The following USH2A variants were observed in gnomAD, a reference collection of about 807,000 sequenced individuals.
USH2A encodes usherin, also known as Usher syndrome 2A (autosomal recessive, mild).
A neutral mutation model predicts 538.9 loss-of-function variants in USH2A; 443 were observed. The observed-to-expected ratio is 0.82, with a 90% CI of 0.76 to 0.89. The LOEUF is 0.89. Ranked by LOEUF, USH2A falls within the 40% of genes least tolerant of loss-of-function variation. The pLI, the probability that USH2A is intolerant of heterozygous loss-of-function variation, is 0.00. For synonymous variants in USH2A, 2,413 were observed against 2,273.5 expected, an observed-to-expected ratio of 1.06 and a Z score of -1.75; for missense variants, 6,633 against 6,324.8, an observed-to-expected ratio of 1.05 and a Z score of -1.65.
intron 64 of USH2A, among the ~76,000 whole-genome samples, chr1:215,659,461 G>T (rs1657375106): frequency 6.6e-6 from 1 of 152,160 alleles, no homozygotes. Flanking sequence ...TGGAATGGGG[G>T]AAGTAGGGTT....
At chr1:215,942,649 C>A (rs1666662580) in intron 37 of USH2A, among the ~76,000 whole-genome samples, 3 of 151,890 alleles carry the variant, frequency 2.0e-5, no homozygotes, top group Admixed American at 2.0e-4. Context: ...TCTCCAGGTA[C>A]AAATGTATAA....
chr1:216,239,205 G>C (rs1049855660), intron 13 of USH2A, among the ~76,000 whole-genome samples: 1 of 151,866 alleles, frequency 6.6e-6, no homozygotes, highest in Non-Finnish European at 1.5e-5. Context: ...TGCTCTTTTC[G>C]TGGGCTATGA....
At chr1:216,356,863 A>AT (rs1002346858) in intron 4 of USH2A, among the ~76,000 whole-genome samples, 1 of 152,100 alleles carries the variant, frequency 6.6e-6, no homozygotes, top group African/African-American at 2.4e-5. Context: ...TAGTTTTCGC[A>AT]TTTTTACTTT....
At chr1:216,341,146 G>C (rs1465253992) in intron 4 of USH2A, among the ~76,000 whole-genome samples, 2 of 152,098 alleles carry the variant, frequency 1.3e-5, no homozygotes, top group Non-Finnish European at 2.9e-5. Flanking sequence ...CTTCAGCAAA[G>C]TCTCAGGATA....
intron 9 of USH2A, among the ~76,000 whole-genome samples, chr1:216,304,527 C>G (rs1361176841): frequency 6.6e-6 from 1 of 151,822 alleles, no homozygotes; most frequent in African/African-American, 2.4e-5. Flanking sequence ...TCTCAGCATA[C>G]TTTTTTTAAT....
At position 215,782,858 on chromosome 1, in the gene USH2A, C is replaced by T. The variant is rs1553261464; in HGVS notation, c.10465G>A (p.Ala3489Thr). 1.9e-6 allele frequency: 3 copies of T among 1,613,934 alleles called. No homozygotes were observed. Among genetic ancestry groups the T allele is most frequent in the Non-Finnish European group, 2.5e-6 (3 of 1,179,910 alleles). Residue 3489 changes from alanine to threonine, a missense_variant, in exon 53 of 72, where the codon GCT (alanine) becomes ACT (threonine). Transcript: ENST00000307340. ...WNSYGRGLSK[A>T]VRARTKEDVP... ...TCTTCTTTTGTTCTGGCTCTCACAG[C>T]TTTGCTGAGTCCTCGCCCATAGCTG...
At chr1:215,735,565 T>C (rs1398793343) in intron 60 of USH2A, among the ~76,000 whole-genome samples, 1 of 152,164 alleles carries the variant, frequency 6.6e-6, no homozygotes, top group Non-Finnish European at 1.5e-5. Flanking sequence ...TATGATGTAT[T>C]GACTATAAAA....
intron 61 of USH2A, among the ~76,000 whole-genome samples, chr1:215,701,839 G>A (rs1256253471): frequency 2.0e-5 from 3 of 152,152 alleles, no homozygotes; most frequent in African/African-American, 7.2e-5. Flanking sequence ...ATTGTTATGT[G>A]TGAATTTGAT....
chr1:216,269,395 C>T (rs1259454865), intron 11 of USH2A, among the ~76,000 whole-genome samples: 1 of 152,088 alleles, frequency 6.6e-6, no homozygotes, highest in Non-Finnish European at 1.5e-5. Context: ...GAGGCCTCCC[C>T]AGCCATGTGG....
At chr1:215,914,372 A>G (rs2102482590) in intron 38 of USH2A, among the ~76,000 whole-genome samples, 1 of 152,214 alleles carries the variant, frequency 6.6e-6, no homozygotes, top group Middle Eastern at 3.4e-3. Context: ...CTCTTCTTAT[A>G]TAATAAAACA....
Position 215,707,401 on chromosome 1 carries a change from T to C in USH2A, c.12066+20629A>G, listed in dbSNP as rs1659211627. ...CCTTAGGTAAATCATCTACTTTTTC[T>C]GAGCTAGATTTCTAACAGTTAGTAT... On this transcript the variant is annotated intron_variant, in intron 61 of 71. Coordinates refer to ENST00000307340, the MANE Select transcript of USH2A (RefSeq NM_206933.4). 2.0e-5 allele frequency among the ~76,000 whole-genome samples: 3 copies of C among 152,330 alleles called. No individual in the cohort carries two copies. In the South Asian group the frequency reaches 6.2e-4, roughly 32 times the overall value.
chr1:216,074,803 C>A (rs994414417), intron 27 of USH2A, among the ~76,000 whole-genome samples: 5 of 152,076 alleles, frequency 3.3e-5, no homozygotes, highest in African/African-American at 9.7e-5. Flanking sequence ...ACTTCCCTAC[C>A]AACAAAATCA....
intron 61 of USH2A, among the ~76,000 whole-genome samples, chr1:215,681,231 T>G (rs1242490639): frequency 2.6e-5 from 4 of 151,984 alleles, no homozygotes; most frequent in African/African-American, 9.7e-5. Flanking sequence ...GGCCCTGGGG[T>G]GCTCTTTCCA....
intron 32 of USH2A, among the ~76,000 whole-genome samples, chr1:216,045,063 A>T (rs907866226): frequency 2.0e-5 from 3 of 152,138 alleles, no homozygotes. Flanking sequence ...GAAGAGGGAC[A>T]GTATCTGGCC....
intron 41 of USH2A, among the ~76,000 whole-genome samples, 184 bp downstream of exon 41, chr1:215,888,242 G>A (rs1001577519): frequency 2.6e-5 from 4 of 152,158 alleles, no homozygotes; most frequent in East Asian, 1.9e-4. Flanking sequence ...GGGATACAGG[G>A]ATAAATGAAA....
Position 215,970,667 on chromosome 1 carries a change from T to C in USH2A, c.6915A>G (p.Arg2305=), listed in dbSNP as rs542335293. 6.2e-7 allele frequency: 1 copy of C among 1,613,692 alleles called. No homozygotes were observed. The highest frequency in any genetic ancestry group is 2.2e-5 in the East Asian group (1 of 44,850). Residue 2305 remains arginine (R), a synonymous_variant, in exon 36 of 72, where the codon AGA becomes AGG. Coordinates refer to ENST00000307340, the MANE Select transcript of USH2A (RefSeq NM_206933.4). Reference sequence around the variant, plus strand: ...AACCTTTGGCCGTGCATGCTTGGACTCTGAAGGAATGTAAACTCCAAGGAG... The same window carrying C: ...AACCTTTGGCCGTGCATGCTTGGACCCTGAAGGAATGTAAACTCCAAGGAG... The part of the protein sequence containing the change: ...GFAPWSLHSF[R]VQACTAKGCA...
intron 13 of USH2A, among the ~76,000 whole-genome samples, chr1:216,233,850 G>A (rs2102525471): frequency 6.6e-6 from 1 of 152,212 alleles, no homozygotes; most frequent in African/African-American, 2.4e-5. Flanking sequence ...GGTTCTTAGT[G>A]TTGTGTGATG....
chr1:215,670,781 C>T (rs1007617303), intron 64 of USH2A, among the ~76,000 whole-genome samples, 191 bp downstream of exon 64: 24 of 152,054 alleles, frequency 1.6e-4, no homozygotes, highest in African/African-American at 5.8e-4. Context: ...GGCTCAAAAA[C>T]CAAGAAAATG....
intron 44 of USH2A, among the ~76,000 whole-genome samples, chr1:215,865,515 C>T (rs781176448): frequency 1.3e-5 from 2 of 152,120 alleles, no homozygotes; most frequent in Non-Finnish European, 1.5e-5. Context: ...GAGAGCCTAC[C>T]TTTATGAGTA....
Sources: gnomAD v4.1 joint callset for allele counts (sites outside exome capture counted in the v4.1 genomes callset) on GRCh38, gnomAD v4.1.1 for gene constraint, MANE v1.5 for transcripts, NCBI Gene and HGNC (gene_info 2026-07-23, HGNC 2026-07-21) for gene names.